Variants in DYDC1 observed in about 807,000 individuals in gnomAD.
The protein encoded by DYDC1 is DPY30 domain-containing protein 1.
Under a neutral mutation model 27.9 loss-of-function variants are expected in DYDC1, and 21 were observed. The ratio of observed to expected loss-of-function variants is 0.75; its 90% CI spans 0.53 to 1.08. The LOEUF (loss-of-function observed/expected upper bound fraction) is 1.08. DYDC1 is among the 50% of genes least tolerant of loss of function. The probability of loss-of-function intolerance (pLI) is 0.00; values close to 1 mark genes in which losing one functional copy is unlikely to be tolerated. For synonymous variants in DYDC1, 67 were observed against 65.8 expected (o/e 1.02, Z -0.09); for missense variants, 202 against 205.9 (o/e 0.98, Z 0.12).
chr10:80,352,545 T>C lies in DYDC1; in HGVS notation c.57A>G (p.Ala19=). The change falls in exon 2 of 7, where the codon GCA becomes GCG. Residue 19 remains alanine, a synonymous_variant. Coordinates refer to ENST00000372202, the MANE Select transcript of DYDC1 (RefSeq NM_001269053.2). ...CCACTGGGCGAACTCTTGCCACTTC[T>C]GCAAGACCTTGAGTTAAACAGGCCC... ...HLGACLTQGL[A]EVARVRPVDP... 6.2e-7 allele frequency: 1 copy of C among 1,613,754 alleles called. No homozygotes were observed.
intron 3 of DYDC1, among the ~76,000 whole-genome samples, chr10:80,349,872 T>C (rs1834986451): frequency 6.6e-6 from 1 of 152,016 alleles, no homozygotes; most frequent in African/African-American, 2.4e-5. Flanking sequence ...AAAATGGCAA[T>C]AAAAATACTT....
At chr10:80,344,070 C>A (rs995540604) in intron 3 of DYDC1, among the ~76,000 whole-genome samples, 1 of 151,900 alleles carries the variant, frequency 6.6e-6, no homozygotes, top group Non-Finnish European at 1.5e-5. Flanking sequence ...GAGCTGAGAT[C>A]GCACCACTGC....
intron 3 of DYDC1, among the ~76,000 whole-genome samples, chr10:80,347,529 C>T (rs1179329701): frequency 1.3e-5 from 2 of 152,094 alleles, no homozygotes; most frequent in Non-Finnish European, 2.9e-5. Flanking sequence ...TTGCCAAGAC[C>T]AATGTCAAGG....
intron 1 of DYDC1, among the ~76,000 whole-genome samples, chr10:80,355,980 T>G: frequency 7.6e-6 from 1 of 131,218 alleles, no homozygotes; most frequent in African/African-American, 2.9e-5. Flanking sequence ...TCATTTGAAG[T>G]GAAGTTAAAA....
At chr10:80,336,564 T>A (rs1021315742) in intron 6 of DYDC1, among the ~76,000 whole-genome samples, 1 of 152,368 alleles carries the variant, frequency 6.6e-6, no homozygotes, top group Admixed American at 6.5e-5. Flanking sequence ...TGCCCATGAC[T>A]GCTGAATTTA....
At chr10:80,352,805 A>G in intron 1 of DYDC1, 195 bp from the exon 2 acceptor site, 1 of 520,212 alleles carries the variant, frequency 1.9e-6, no homozygotes, top group Non-Finnish European at 3.0e-6. Context: ...GGAAGTCACT[A>G]CAACTAACAT....
chr10:80,352,663 A>G (rs1843074431), intron 1 of DYDC1, 53 bp from the exon 2 acceptor site: 5 of 1,546,658 alleles, frequency 3.2e-6, no homozygotes, highest in Non-Finnish European at 4.4e-6. Flanking sequence ...TAAAGTCACT[A>G]TAAAACTAAA....
rs775251983 is a variant in DYDC1 at position 80,339,083 on chromosome 10, C to A, written c.399+14G>T. 1 of 1,370,570 alleles carries A rather than the reference C, an allele frequency of 7.3e-7. No homozygotes were observed. The highest frequency in any genetic ancestry group is 2.6e-5 in the Admixed American group (1 of 38,266). 84.9% of individuals were successfully genotyped at this position (1,370,570 alleles called of 1,614,324 possible). On this transcript the variant is annotated intron_variant, in intron 5 of 6. Coordinates refer to ENST00000372202, the MANE Select transcript of DYDC1 (RefSeq NM_001269053.2). ...ATTCATTTCACATAACATAGAATGA[C>A]TTTTTCTTCTCACCTCTGAATGTAG...
At chr10:80,341,612 T>C (rs1276020598) in intron 4 of DYDC1, among the ~76,000 whole-genome samples, 2 of 151,988 alleles carry the variant, frequency 1.3e-5, no homozygotes, top group South Asian at 4.2e-4. Flanking sequence ...ATATTCAACA[T>C]CAGCTACTGT....
At position 80,352,009 on chromosome 10, in the gene DYDC1, T is replaced by C; in HGVS notation, c.148-7A>G. The C allele has an allele frequency of 1.2e-6, 2 of 1,613,668 alleles. No homozygotes were observed. The highest frequency in any genetic ancestry group is 1.7e-6 in the Non-Finnish European group (2 of 1,179,824). On this transcript the variant is annotated splice_region_variant and splice_polypyrimidine_tract_variant and intron_variant, in intron 2 of 6. Transcript: ENST00000372202. ...TGGCCATTTCCTTTTGTCTCTAGCATTGTTTAAAAACAACAGCACACGACT... is the reference window on the plus strand; with the variant it reads ...TGGCCATTTCCTTTTGTCTCTAGCACTGTTTAAAAACAACAGCACACGACT...
downstream of DYDC1, chr10:80,336,088 A>G: frequency 9.2e-7 from 1 of 1,086,596 alleles, no homozygotes; most frequent in South Asian, 1.4e-5. Flanking sequence ...AAAAAATACA[A>G]ATTGGGAACC....
intron 4 of DYDC1, among the ~76,000 whole-genome samples, chr10:80,339,821 T>C (rs1377253836): frequency 6.6e-6 from 1 of 152,214 alleles, no homozygotes; most frequent in Non-Finnish European, 1.5e-5. Flanking sequence ...GTCACCCTAA[T>C]GATAGGGACA....
chr10:80,347,591 C>T (rs144232381), intron 3 of DYDC1, among the ~76,000 whole-genome samples: 89 of 152,208 alleles, frequency 5.8e-4, no homozygotes, highest in Middle Eastern at 3.4e-3. Context: ...TTCAGGTCTT[C>T]CATTTAGGTC....
chr10:80,356,646 C>T, intron 1 of DYDC1, 66 bp downstream of exon 1: 1 of 984,920 alleles, frequency 1.0e-6, no homozygotes, highest in Non-Finnish European at 1.2e-6. Context: ...CGCCTCTGCC[C>T]GCCGGACCCA....
chr10:80,348,034 T>C (rs563014076), intron 3 of DYDC1, among the ~76,000 whole-genome samples: 5 of 152,344 alleles, frequency 3.3e-5, no homozygotes, highest in African/African-American at 1.2e-4. Flanking sequence ...AATCTGCAGA[T>C]TACTTTAGGT....
chr10:80,349,369 T>G (rs537217700), intron 3 of DYDC1, among the ~76,000 whole-genome samples: 21 of 152,356 alleles, frequency 1.4e-4, no homozygotes, highest in Non-Finnish European at 2.5e-4. Context: ...TTGCAAAAAT[T>G]CATTTTCTCT....
chr10:80,342,182 T>C, intron 4 of DYDC1, 87 bp downstream of exon 4: 1 of 1,311,032 alleles, frequency 7.6e-7, no homozygotes, highest in Non-Finnish European at 1.1e-6. Context: ...ACAAATCCCA[T>C]GGTCCTTCTG....
intron 3 of DYDC1, among the ~76,000 whole-genome samples, chr10:80,346,444 C>CTTT (rs1032729095): frequency 0.021 from 1,734 of 83,272 alleles, 155 homozygotes; most frequent in East Asian, 0.085. Flanking sequence ...TCTTCCCTTT[C>CTTT]TTTTTTTTTT....
chr10:80,356,610 G>C, intron 1 of DYDC1, 102 bp downstream of exon 1: 1 of 985,498 alleles, frequency 1.0e-6, no homozygotes, highest in African/African-American at 1.7e-5. Context: ...AGTCCTGCTC[G>C]ACGCCCAAGG....
Sources: allele counts gnomAD v4.1 joint callset (sites outside exome capture counted in the v4.1 genomes callset), GRCh38; gene constraint gnomAD v4.1.1; transcripts MANE v1.5; gene names NCBI Gene and HGNC (gene_info 2026-07-23, HGNC 2026-07-21).